The following NRG3 variants were observed in gnomAD, a reference collection of about 807,000 sequenced individuals.
NRG3 encodes the protein neuregulin 3, also known as pro-neuregulin-3, membrane-bound isoform.
In NRG3, 31 loss-of-function variants were observed where a neutral mutation model predicts 66.9. The observed-to-expected ratio is 0.46, with a 90% CI of 0.35 to 0.63. The LOEUF (loss-of-function observed/expected upper bound fraction) is 0.63. Ranked by LOEUF, NRG3 falls within the 20% of genes least tolerant of loss-of-function variation. The pLI, the probability that NRG3 is intolerant of heterozygous loss-of-function variation, is 0.00. For synonymous variants in NRG3, 393 were observed against 359.4 expected (o/e 1.09, Z -1.06); for missense variants, 910 against 878.9 (o/e 1.04, Z -0.45).
chr10:82,436,112 G>T (rs756587476), intron 2 of NRG3, among the ~76,000 whole-genome samples: 1 of 152,098 alleles, frequency 6.6e-6, no homozygotes, highest in Non-Finnish European at 1.5e-5. Context: ...CTGTCTCATT[G>T]ATCCATCTAA....
chr10:81,969,189 C>A (rs2133352878), intron 1 of NRG3, among the ~76,000 whole-genome samples: 1 of 152,260 alleles, frequency 6.6e-6, no homozygotes, highest in Admixed American at 6.5e-5. Flanking sequence ...GTCTCCCCTG[C>A]CACCACCAGC....
rs1853402397 is a variant in NRG3, at chr10:82,985,887, A to G, written c.*282A>G. The G allele has an allele frequency of 3.4e-6, 1 of 295,894 alleles. No individual in the cohort carries two copies. The allele number at this position is 295,894 out of a possible 1,614,324, so 18.3% of individuals were successfully genotyped here. On this transcript the variant is annotated 3_prime_UTR_variant, in exon 9 of 9. Transcript: ENST00000372141. ...CTTTGGCTCTTAGAAGATGTGGGCA[A>G]TTCAGACCCTTGGCCCCACAGTGCC...
intron 2 of NRG3, among the ~76,000 whole-genome samples, chr10:82,643,901 CACCCA>C (rs748365865): frequency 2.4e-4 from 5 of 20,496 alleles, no homozygotes; most frequent in Admixed American, 7.4e-4. Flanking sequence ...CACACACACA[CACCCA>C]CACACACACA....
At chr10:82,123,492 G>A (rs987630547) in intron 1 of NRG3, among the ~76,000 whole-genome samples, 24 of 152,072 alleles carry the variant, frequency 1.6e-4, no homozygotes, top group African/African-American at 5.3e-4. Flanking sequence ...TTACTGTTTG[G>A]CAAACTAGAC....
chr10:82,646,933 T>G (rs904952382), intron 2 of NRG3, among the ~76,000 whole-genome samples: 2 of 151,838 alleles, frequency 1.3e-5, no homozygotes, highest in African/African-American at 4.9e-5. Context: ...AGAGATAACT[T>G]TTTAAACTTT....
chr10:82,358,913 G>A (rs1487967396), intron 2 of NRG3, 45 bp downstream of exon 2: 1 of 1,612,952 alleles, frequency 6.2e-7, no homozygotes, highest in Non-Finnish European at 8.5e-7. Flanking sequence ...CCCGTTGCAA[G>A]GCGTGGGGGT....
chr10:82,148,964 T>A (rs2132742109), intron 1 of NRG3, among the ~76,000 whole-genome samples: 1 of 152,146 alleles, frequency 6.6e-6, no homozygotes, highest in East Asian at 1.9e-4. Context: ...GGGGGTGAGA[T>A]GAGTCAGATA....
chr10:82,127,852 T>G (rs1351295023), intron 1 of NRG3, among the ~76,000 whole-genome samples: 2 of 151,846 alleles, frequency 1.3e-5, no homozygotes, highest in African/African-American at 4.8e-5. Flanking sequence ...TCTCCCACCC[T>G]CTTCAGTGCT....
At chr10:82,056,322 A>C (rs2063845380) in intron 1 of NRG3, among the ~76,000 whole-genome samples, 1 of 152,098 alleles carries the variant, frequency 6.6e-6, no homozygotes, top group Non-Finnish European at 1.5e-5. Context: ...TGGTGAAAGG[A>C]TTAGTGTATT....
intron 1 of NRG3, among the ~76,000 whole-genome samples, chr10:82,216,399 C>T (rs1197017709): frequency 2.6e-5 from 4 of 151,696 alleles, no homozygotes; most frequent in African/African-American, 7.3e-5. Context: ...CTGGAGTATA[C>T]TCTGAAATCT....
At chr10:82,405,143 C>T (rs568128637) in intron 2 of NRG3, among the ~76,000 whole-genome samples, 40 of 152,178 alleles carry the variant, frequency 2.6e-4, no homozygotes, top group African/African-American at 8.7e-4. Flanking sequence ...GTGAAAAAGA[C>T]CTCAGAAAAG....
intron 1 of NRG3, among the ~76,000 whole-genome samples, chr10:81,917,611 A>G (rs17098742): frequency 0.044 from 6,704 of 152,322 alleles, 193 homozygotes; most frequent in African/African-American, 0.075. Context: ...AATATGCAAC[A>G]TAACTATTGT....
At chr10:82,432,435 T>G (rs1202506893) in intron 2 of NRG3, among the ~76,000 whole-genome samples, 1 of 152,000 alleles carries the variant, frequency 6.6e-6, no homozygotes, top group African/African-American at 2.4e-5. Context: ...TTCAGTATTT[T>G]TAATGGCAGC....
At chr10:81,898,499 T>G (rs1843729679) in intron 1 of NRG3, among the ~76,000 whole-genome samples, 1 of 152,194 alleles carries the variant, frequency 6.6e-6, no homozygotes, top group African/African-American at 2.4e-5. Context: ...GGCAAAATTA[T>G]GTGCAGACAA....
chr10:82,826,083 G>T (rs761219695), intron 3 of NRG3, among the ~76,000 whole-genome samples: 1 of 152,110 alleles, frequency 6.6e-6, no homozygotes, highest in Admixed American at 6.6e-5. Context: ...TACTGGAATT[G>T]AAGATTTTTG....
chr10:82,003,247 A>G (rs961270588), intron 1 of NRG3, among the ~76,000 whole-genome samples: 3 of 152,172 alleles, frequency 2.0e-5, no homozygotes, highest in African/African-American at 7.2e-5. Context: ...GTTTGGAAAT[A>G]TTATGTTTGA....
intron 2 of NRG3, among the ~76,000 whole-genome samples, chr10:82,439,432 AG>A (rs1277298188): frequency 6.6e-6 from 1 of 152,022 alleles, no homozygotes; most frequent in Non-Finnish European, 1.5e-5. Flanking sequence ...TTCTTTTGAG[AG>A]GGGGACAATG....
At chr10:81,908,810 C>G (rs1300464130) in intron 1 of NRG3, among the ~76,000 whole-genome samples, 2 of 152,146 alleles carry the variant, frequency 1.3e-5, no homozygotes, top group Non-Finnish European at 2.9e-5. Context: ...GCCTCTAAAA[C>G]TAAGTCCTAG....
intron 6 of NRG3, among the ~76,000 whole-genome samples, chr10:82,962,089 G>C (rs1273756618): frequency 3.3e-5 from 5 of 152,098 alleles, no homozygotes; most frequent in East Asian, 1.9e-4. Context: ...AAAACACCTC[G>C]TCAAGTGAAG....
Sources: allele counts gnomAD v4.1 joint callset (sites outside exome capture counted in the v4.1 genomes callset), GRCh38; gene constraint gnomAD v4.1.1; transcripts MANE v1.5; gene names NCBI Gene and HGNC (gene_info 2026-07-23, HGNC 2026-07-21).